The following ROR2 variants were observed in gnomAD, a reference collection of about 807,000 sequenced individuals.
The protein encoded by ROR2 is ROR family WNT receptor 2, also known as tyrosine-protein kinase transmembrane receptor ROR2.
A neutral mutation model predicts 74.9 loss-of-function variants in ROR2; 33 were observed. The ratio of observed to expected loss-of-function variants is 0.44; its 90% CI spans 0.33 to 0.59. ROR2 has a LOEUF of 0.59. Among genes scored for constraint, ROR2 ranks in the 20% least tolerant of loss-of-function variants. The pLI, the probability that ROR2 is intolerant of heterozygous loss-of-function variation, is 0.02. For missense variants in ROR2, 1,216 were observed against 1,313.8 expected (o/e 0.93, Z 1.15); for synonymous variants, 586 against 558.7 (o/e 1.05, Z -0.69).
At chr9:91,725,595 G>A (rs952469646) in intron 8 of ROR2, among the ~76,000 whole-genome samples, 2 of 152,298 alleles carry the variant, frequency 1.3e-5, no homozygotes, top group Admixed American at 1.3e-4. Flanking sequence ...TGGCAATTTT[G>A]TCACTTATAA....
chr9:91,914,483 C>T (rs115929126), intron 1 of ROR2, among the ~76,000 whole-genome samples: 90 of 152,274 alleles, frequency 5.9e-4, no homozygotes, highest in African/African-American at 2.1e-3. Context: ...TGGTTCATGA[C>T]GTCACCGAGG....
At chr9:91,868,710 AT>A (rs1447938685) in intron 1 of ROR2, among the ~76,000 whole-genome samples, 3 of 152,258 alleles carry the variant, frequency 2.0e-5, no homozygotes, top group Non-Finnish European at 2.9e-5. Flanking sequence ...CCAGAATTCT[AT>A]ACCCAGTGAA....
At chr9:91,850,109 T>C (rs7048756) in intron 1 of ROR2, among the ~76,000 whole-genome samples, 60,649 of 152,042 alleles carry the variant, frequency 0.4, 14,139 homozygotes, top group African/African-American at 0.63. Flanking sequence ...TTACTGGGTT[T>C]GTGGGTGCAC....
rs1829313961 is a variant in ROR2, at chr9:91,857,057, AC to A, written c.98-81240del. ...GTGTTCACTCCCATCCCCTAAAACA[AC>A]CCCTTCACCAGGTGCCCATGCACAC... On this transcript the variant is annotated intron_variant, in intron 1 of 8. Coordinates refer to ENST00000375708, the MANE Select transcript of ROR2 (RefSeq NM_004560.4). Among the ~76,000 whole-genome samples the A allele has an allele frequency of 7.9e-5, 12 of 151,904 alleles. No individual in the cohort carries two copies. The South Asian group carries it at 2.5e-3, about 32-fold the overall frequency.
chr9:91,771,294 C>T (rs1216733167), intron 2 of ROR2, among the ~76,000 whole-genome samples: 1 of 152,206 alleles, frequency 6.6e-6, no homozygotes, highest in African/African-American at 2.4e-5. Context: ...TCACCCCGCC[C>T]CAGCCTTCAG....
chr9:91,722,706 G>A lies in ROR2; in HGVS notation c.*956C>T. On this transcript the variant is annotated 3_prime_UTR_variant, in exon 9 of 9. Coordinates refer to ENST00000375708, the MANE Select transcript of ROR2 (RefSeq NM_004560.4). ...GCCTGTGGGTCTGTGTGTAACAGGG[G>A]CTGTAAAATGAATGGACCTCATGTG... The A allele has an allele frequency of 1.4e-6, 1 of 738,022 alleles. No homozygotes were observed. Among genetic ancestry groups the A allele is most frequent in the Non-Finnish European group, 2.5e-6 (1 of 397,098 alleles). 45.7% of individuals were successfully genotyped at this position (738,022 alleles called of 1,614,324 possible). A position where few individuals can be genotyped will look rare whatever the true frequency, so the allele number is the denominator to read the frequency against.
chr9:91,755,369 G>T (rs911081100), intron 4 of ROR2, among the ~76,000 whole-genome samples: 1 of 152,324 alleles, frequency 6.6e-6, no homozygotes, highest in South Asian at 2.1e-4. Context: ...GTGAAGCACT[G>T]CTCTCCAATA....
At chr9:91,815,532 C>T (rs1827899897) in intron 1 of ROR2, among the ~76,000 whole-genome samples, 4 of 152,216 alleles carry the variant, frequency 2.6e-5, no homozygotes, top group Admixed American at 2.6e-4. Context: ...GCTCCTCTTG[C>T]CTTTGACAGG....
At chr9:91,940,817 G>C (rs112363424) in intron 1 of ROR2, among the ~76,000 whole-genome samples, 15,200 of 151,732 alleles carry the variant, frequency 0.1, 1,351 homozygotes, top group African/African-American at 0.24. Context: ...GGACAGGCTG[G>C]TCTTGAACCC....
chr9:91,843,608 T>C (rs959256006), intron 1 of ROR2, among the ~76,000 whole-genome samples: 2 of 152,194 alleles, frequency 1.3e-5, no homozygotes, highest in Admixed American at 1.3e-4. Context: ...ACTAGCTTGC[T>C]CGCACTTAGA....
At chr9:91,781,422 T>C (rs1049342957) in intron 1 of ROR2, among the ~76,000 whole-genome samples, 1 of 152,224 alleles carries the variant, frequency 6.6e-6, no homozygotes, top group Non-Finnish European at 1.5e-5. Context: ...ACACCCATGA[T>C]GCTAGAAAGG....
At chr9:91,740,565 A>AAT (rs1474641311) in intron 4 of ROR2, among the ~76,000 whole-genome samples, 1 of 142,558 alleles carries the variant, frequency 7.0e-6, no homozygotes, top group Admixed American at 6.8e-5. Context: ...CGGGGGGGGG[A>AAT]ATATATATAT....
chr9:91,725,212 G>A, intron 8 of ROR2, 105 bp from the exon 9 acceptor site: 1 of 1,590,218 alleles, frequency 6.3e-7, no homozygotes, highest in Admixed American at 1.7e-5. Flanking sequence ...CCACGACTAG[G>A]GGGGCCTTGC....
chr9:91,880,555 T>C (rs1217263787), intron 1 of ROR2, among the ~76,000 whole-genome samples: 1 of 152,264 alleles, frequency 6.6e-6, no homozygotes, highest in African/African-American at 2.4e-5. Flanking sequence ...CCCCACCAAA[T>C]ACCAAATGCT....
At chr9:91,781,194 G>T (rs1321281535) in intron 1 of ROR2, among the ~76,000 whole-genome samples, 2 of 152,180 alleles carry the variant, frequency 1.3e-5, no homozygotes, top group Admixed American at 1.3e-4. Flanking sequence ...TAATTTGCAG[G>T]ATGTGTTTAA....
At chr9:91,921,653 C>G (rs868108459) in intron 1 of ROR2, among the ~76,000 whole-genome samples, 5 of 152,118 alleles carry the variant, frequency 3.3e-5, no homozygotes, top group African/African-American at 2.4e-5. Flanking sequence ...TACTTGAGGT[C>G]AGAAGTAGGA....
chr9:91,778,013 G>A (rs934882736), intron 1 of ROR2, among the ~76,000 whole-genome samples: 1 of 152,192 alleles, frequency 6.6e-6, no homozygotes, highest in Non-Finnish European at 1.5e-5. Context: ...CCGCAGAGAT[G>A]ACTGAAGTAT....
At chr9:91,912,985 T>C (rs1831032971) in intron 1 of ROR2, among the ~76,000 whole-genome samples, 1 of 152,050 alleles carries the variant, frequency 6.6e-6, no homozygotes, top group African/African-American at 2.4e-5. Flanking sequence ...AAAAAGTAGC[T>C]GGGCGTGGTG....
At chr9:91,763,884 A>G (rs1825985493) in intron 2 of ROR2, among the ~76,000 whole-genome samples, 2 of 152,258 alleles carry the variant, frequency 1.3e-5, no homozygotes, top group African/African-American at 4.8e-5. Flanking sequence ...CAATTCTTTG[A>G]AGCCACTGAG....
Sources: allele counts gnomAD v4.1 joint callset (sites outside exome capture counted in the v4.1 genomes callset), GRCh38; gene constraint gnomAD v4.1.1; transcripts MANE v1.5; gene names NCBI Gene and HGNC (gene_info 2026-07-23, HGNC 2026-07-21).